ATF7IP: variants seen among roughly 807,000 people sequenced by gnomAD.
ATF7IP encodes the protein activating transcription factor 7 interacting protein, also known as activating transcription factor 7-interacting protein 1.
ATF7IP carries 23 observed loss-of-function variants against 106.4 expected under a neutral mutation model. That is an observed-to-expected ratio of 0.22 (90% CI 0.16 to 0.31). The LOEUF (loss-of-function observed/expected upper bound fraction) is 0.31, where lower values mean the gene tolerates loss of function less well. Ranked by LOEUF, ATF7IP falls within the 10% of genes least tolerant of loss-of-function variation. ATF7IP has a pLI of 1.00. For synonymous variants in ATF7IP, 542 were observed against 539.0 expected, an observed-to-expected ratio of 1.01 and a Z score of -0.08; for missense variants, 1,334 against 1,524.3, an observed-to-expected ratio of 0.88 and a Z score of 2.08.
Position 14,498,064 on chromosome 12 carries a change from G to T in ATF7IP, c.3804G>T (p.Gln1268His). ...PQSTDVISST[Q>H]SS is the part of the protein sequence containing the mutation. Reference sequence around the variant, plus strand: ...CAACAGATGTGATCTCTTCTACCCAGAGCAGTTAAACCTTGGAGCCTTTAT... The same window carrying T: ...CAACAGATGTGATCTCTTCTACCCATAGCAGTTAAACCTTGGAGCCTTTAT... The change falls in exon 15 of 15, where the codon CAG becomes CAT. Residue 1268 changes from glutamine to histidine, a missense_variant. Gln to His is a conservative substitution (Grantham distance 24, BLOSUM62 0). Coordinates refer to ENST00000261168, the MANE Select transcript of ATF7IP (RefSeq NM_018179.5). 1 of 1,577,912 alleles carries T rather than the reference G, an allele frequency of 6.3e-7. No individual in the cohort carries two copies.
intron 13 of ATF7IP, among the ~76,000 whole-genome samples, chr12:14,494,239 T>C (rs2136868762): frequency 7.2e-6 from 1 of 138,960 alleles, no homozygotes; most frequent in East Asian, 2.2e-4. Flanking sequence ...CCATTCCTGG[T>C]ACCAAAATCT....
chr12:14,494,393 T>C (rs2136871182), intron 13 of ATF7IP, among the ~76,000 whole-genome samples: 1 of 140,442 alleles, frequency 7.1e-6, no homozygotes, highest in African/African-American at 2.6e-5. Context: ...TCATATAATA[T>C]ATACTATATA....
chr12:14,390,394 T>C (rs961054721), intron 1 of ATF7IP, among the ~76,000 whole-genome samples: 3 of 152,192 alleles, frequency 2.0e-5, no homozygotes, highest in Non-Finnish European at 4.4e-5. Flanking sequence ...AAGTAACGAT[T>C]GAAAGTGAAG....
rs1233655257 is a variant in ATF7IP at position 14,502,900 on chromosome 12, A to G, written c.*4827A>G. 1.3e-5 allele frequency: 2 copies of G among 152,158 alleles called. No homozygotes were observed. Among genetic ancestry groups the G allele is most frequent in the Admixed American group, 6.5e-5 (1 of 15,276 alleles). 9.4% of individuals were successfully genotyped at this position (152,158 alleles called of 1,614,324 possible). A position where few individuals can be genotyped will look rare whatever the true frequency, so the allele number is the denominator to read the frequency against. On this transcript the variant is annotated 3_prime_UTR_variant, in exon 15 of 15. Coordinates refer to ENST00000261168, the MANE Select transcript of ATF7IP (RefSeq NM_018179.5). ...GTTTTGTCCAGCAAGCCTGAAATTTATACTTTGAAATAAAACTACTGGGTT... is the reference window on the plus strand; with the variant it reads ...GTTTTGTCCAGCAAGCCTGAAATTTGTACTTTGAAATAAAACTACTGGGTT...
rs1052331460 is a variant in ATF7IP at position 14,500,871 on chromosome 12, C to A, written c.*2798C>A. The A allele has an allele frequency of 6.6e-6, 1 of 151,966 alleles. No homozygotes were observed. Among genetic ancestry groups the A allele is most frequent in the Admixed American group, 6.6e-5 (1 of 15,262 alleles). The allele number at this position is 151,966 out of a possible 1,614,324, so 9.4% of individuals were successfully genotyped here. On this transcript the variant is annotated 3_prime_UTR_variant, in exon 15 of 15. Transcript: ENST00000261168. Reference sequence around the variant, plus strand: ...CAAATAGGAATTCTAAAAATATTTACTAAAGTAAAATAACTACTTAAAATG... The same window carrying A: ...CAAATAGGAATTCTAAAAATATTTAATAAAGTAAAATAACTACTTAAAATG...
intron 5 of ATF7IP, among the ~76,000 whole-genome samples, chr12:14,444,674 T>C (rs918070038): frequency 2.0e-5 from 3 of 152,142 alleles, no homozygotes; most frequent in Non-Finnish European, 4.4e-5. Flanking sequence ...TTTATAATAT[T>C]AAATATCAGA....
intron 1 of ATF7IP, among the ~76,000 whole-genome samples, chr12:14,382,459 TCA>T (rs936372179): frequency 6.6e-5 from 10 of 152,352 alleles, no homozygotes; most frequent in African/African-American, 2.2e-4. Flanking sequence ...GTAGATTTTC[TCA>T]GAGTCATCTA....
intron 1 of ATF7IP, among the ~76,000 whole-genome samples, chr12:14,409,752 C>A (rs1271005731): frequency 6.6e-6 from 1 of 152,050 alleles, no homozygotes; most frequent in Admixed American, 6.6e-5. Context: ...ATCACAGATA[C>A]ACTTGTTGGC....
At chr12:14,456,717 A>T in intron 7 of ATF7IP, 83 bp downstream of exon 7, 3 of 992,544 alleles carry the variant, frequency 3.0e-6, no homozygotes, top group Admixed American at 4.0e-5. Flanking sequence ...TTGCAGTGTA[A>T]TCATGGTATT....
Position 14,478,343 on chromosome 12 carries a change from G to C in ATF7IP, c.2968G>C (p.Val990Leu), listed in dbSNP as rs1167880255. The C allele has an allele frequency of 1.2e-6, 2 of 1,613,932 alleles. No individual in the cohort carries two copies. The highest frequency in any genetic ancestry group is 1.7e-6 in the Non-Finnish European group (2 of 1,179,910). The part of the protein sequence containing the change: ...QDPKKLNHTP[V>L]STMSSSQPVS... ...CCCCAAAAAACTAAATCACACTCCT[G>C]TATCAACCATGAGTTCTTCTCAGCC... The change falls in exon 12 of 15, where the codon GTA (valine) becomes CTA (leucine). Residue 990 changes from valine (V) to leucine (L), a missense_variant. Val to Leu is a conservative substitution (Grantham distance 32, BLOSUM62 1). Transcript: ENST00000261168.
rs1490478000 is a variant in ATF7IP, at chr12:14,468,227, C to T, written c.2862+1637C>T. On this transcript the variant is annotated intron_variant, in intron 10 of 14. Transcript: ENST00000261168. ...AGGTTGCAGTGAGCTGAGATCATAC[C>T]ACTTTACTCCAGCCTGGGTGAAAGA... 3.4e-5 allele frequency among the ~76,000 whole-genome samples: 5 copies of T among 149,066 alleles called. No homozygotes were observed. The East Asian group carries it at 9.9e-4, about 29-fold the overall frequency.
At chr12:14,495,587 G>T (rs1007633293) in intron 13 of ATF7IP, among the ~76,000 whole-genome samples, 6 of 152,176 alleles carry the variant, frequency 3.9e-5, no homozygotes, top group African/African-American at 1.4e-4. Flanking sequence ...GCAGTAGGTG[G>T]CTCTAAATTT....
chr12:14,496,330 C>A lies in ATF7IP; in HGVS notation c.3380C>A (p.Pro1127Gln), dbSNP rs749326968. ...CAGCTCACAGTGCATCACCGACCAC[C>A]ACAAGTGCATACTGTAAGTGTTGAT... ...GPQLTVHHRP[P>Q]QVHTEPPRPV... The change falls in exon 14 of 15, where the codon CCA becomes CAA. Residue 1127 changes from proline (P) to glutamine (Q), a missense_variant. Around this residue, in one of 10 missense-constraint regions of ATF7IP, gnomAD observed 370 missense variants for 401.2 expected, o/e 0.92. Coordinates refer to ENST00000261168, the MANE Select transcript of ATF7IP (RefSeq NM_018179.5). The A allele has an allele frequency of 2.5e-6, 4 of 1,612,368 alleles. No individual in the cohort carries two copies. The South Asian group carries it at 4.4e-5, about 18-fold the overall frequency.
Position 14,457,118 on chromosome 12 carries a change from C to T in ATF7IP, c.2070-89C>T. On this transcript the variant is annotated intron_variant, in intron 7 of 14. Transcript: ENST00000261168. ...AACCCAAGTCTAGCCACCCTTTTTC[C>T]CCTGTGGGCCACTGCTTATTCTAGA... 2.7e-6 allele frequency: 3 copies of T among 1,121,626 alleles called. No homozygotes were observed. In the East Asian group the frequency reaches 7.6e-5, roughly 28 times the overall value. 69.5% of individuals were successfully genotyped at this position (1,121,626 alleles called of 1,614,324 possible).
chr12:14,416,633 G>C (rs1192627471), intron 1 of ATF7IP, among the ~76,000 whole-genome samples: 1 of 152,178 alleles, frequency 6.6e-6, no homozygotes, highest in Non-Finnish European at 1.5e-5. Context: ...TTTAATCAAA[G>C]AAACCCTACC....
chr12:14,479,234 A>C (rs1944355118), intron 12 of ATF7IP, among the ~76,000 whole-genome samples: 1 of 152,216 alleles, frequency 6.6e-6, no homozygotes, highest in Non-Finnish European at 1.5e-5. Context: ...AGTGTAACCA[A>C]GAAGTTATAA....
intron 1 of ATF7IP, among the ~76,000 whole-genome samples, chr12:14,415,278 T>C (rs940904322): frequency 2.0e-5 from 3 of 152,240 alleles, no homozygotes; most frequent in African/African-American, 7.2e-5. Context: ...ATTTTGCCCA[T>C]GTAACACAAT....
At chr12:14,480,164 T>C (rs1944389228) in intron 12 of ATF7IP, among the ~76,000 whole-genome samples, 1 of 152,172 alleles carries the variant, frequency 6.6e-6, no homozygotes, top group Admixed American at 6.5e-5. Flanking sequence ...TATTTTTTTA[T>C]AGGACCCATT....
At chr12:14,474,660 A>C (rs1169491958) in intron 10 of ATF7IP, among the ~76,000 whole-genome samples, 1 of 152,108 alleles carries the variant, frequency 6.6e-6, no homozygotes, top group Non-Finnish European at 1.5e-5. Flanking sequence ...CAGCCAACCA[A>C]AGTACTGGGA....
Sources: gnomAD v4.1 joint callset for allele counts (sites outside exome capture counted in the v4.1 genomes callset) on GRCh38, gnomAD v4.1.1 for gene constraint, gnomAD v4.1.1 regional missense constraint, MANE v1.5 for transcripts, NCBI Gene and HGNC (gene_info 2026-07-23, HGNC 2026-07-21) for gene names.